The following SMKR1 variants were observed in gnomAD, a reference collection of about 807,000 sequenced individuals.
SMKR1 encodes small lysine rich protein 1.
SMKR1 carries 4 observed loss-of-function variants against 4.0 expected under a neutral mutation model. That is an observed-to-expected ratio of 1.00 (90% CI 0.49 to 2.30). The LOEUF is 2.30. Among genes scored for constraint, SMKR1 ranks in the 30% most tolerant of loss-of-function variants. SMKR1 has a pLI of 0.02. For synonymous variants in SMKR1, 38 were observed against 32.5 expected (o/e 1.17, Z -0.58); for missense variants, 56 against 81.8 (o/e 0.68, Z 1.22).
rs1474365792 is a variant in SMKR1, at chr7:129,502,679, T to C, written c.-146T>C. Reference sequence around the variant, plus strand: ...GCGTGGCGGGGAGGCGTAGTGAGGCTGGGCCCGTGGCGGTTCCCTGAGGAG... The same window carrying C: ...GCGTGGCGGGGAGGCGTAGTGAGGCCGGGCCCGTGGCGGTTCCCTGAGGAG... On this transcript the variant is annotated 5_prime_UTR_variant, in exon 1 of 2. Transcript: ENST00000462322. 2 of 1,259,976 alleles carry C rather than the reference T, an allele frequency of 1.6e-6. No individual in the cohort carries two copies. The highest frequency in any genetic ancestry group is 1.1e-6 in the Non-Finnish European group (1 of 911,228). The allele number at this position is 1,259,976 out of a possible 1,614,324, so 78.0% of individuals were successfully genotyped here.
intron 1 of SMKR1, among the ~76,000 whole-genome samples, chr7:129,508,275 A>G (rs1799490161): frequency 6.6e-6 from 1 of 152,006 alleles, no homozygotes; most frequent in African/African-American, 2.4e-5. Context: ...TGCTTCACCA[A>G]TACCTTTGTT....
At position 129,512,670 on chromosome 7, in the gene SMKR1, T is replaced by G. The variant is rs1799539507; in HGVS notation, c.*229T>G. On this transcript the variant is annotated 3_prime_UTR_variant, in exon 2 of 2. Transcript: ENST00000462322. ...TAGGAGCTATAGGATGGGAAAAGCC[T>G]GAGTAATTCCTACACAGTGTGCTGA... The G allele has an allele frequency of 2.1e-6, 1 of 476,374 alleles. No individual in the cohort carries two copies. The highest frequency in any genetic ancestry group is 3.5e-5 in the South Asian group (1 of 28,300). 29.5% of individuals were successfully genotyped at this position (476,374 alleles called of 1,614,324 possible).
chr7:129,504,975 C>T lies in SMKR1; in HGVS notation c.3+2148C>T, dbSNP rs535249329. Among the ~76,000 whole-genome samples the T allele has an allele frequency of 6.6e-5, 10 of 152,348 alleles. No homozygotes were observed. The South Asian group carries it at 2.1e-3, about 32-fold the overall frequency. ...GATCTCCTTTGCTCCCCATCTAATA[C>T]AGGGCCTGGGACACAGTAGATTTTT... is the stretch of plus-strand genomic sequence containing the variant. On this transcript the variant is annotated intron_variant, in intron 1 of 1. Coordinates refer to ENST00000462322, the MANE Select transcript of SMKR1 (RefSeq NM_001195243.2).
At chr7:129,504,507 A>G (rs1268683749) in intron 1 of SMKR1, among the ~76,000 whole-genome samples, 3 of 151,306 alleles carry the variant, frequency 2.0e-5, no homozygotes, top group Non-Finnish European at 4.4e-5. Context: ...TTATAATTCC[A>G]TGTGTTATAG....
In SMKR1 at chr7:129,512,633, A is replaced by G; in HGVS notation, c.*192A>G. 1.6e-6 allele frequency: 1 copy of G among 614,250 alleles called. No homozygotes were observed. Among genetic ancestry groups the G allele is most frequent in the South Asian group, 2.7e-5 (1 of 37,498 alleles). 38.0% of individuals were successfully genotyped at this position (614,250 alleles called of 1,614,324 possible). A position where few individuals can be genotyped will look rare whatever the true frequency, so the allele number is the denominator to read the frequency against. ...TCTGTTATGCCAGATATGGTTAGCC[A>G]CTTTGGTTTTTTAGGAGCTATAGGA... On this transcript the variant is annotated 3_prime_UTR_variant, in exon 2 of 2. Transcript: ENST00000462322.
At chr7:129,507,097 G>T (rs1799475243) in intron 1 of SMKR1, among the ~76,000 whole-genome samples, 1 of 151,328 alleles carries the variant, frequency 6.6e-6, no homozygotes, top group African/African-American at 2.4e-5. Context: ...CTCACTGCAA[G>T]CTCCGCCTCC....
chr7:129,503,967 G>A (rs987580650), intron 1 of SMKR1, among the ~76,000 whole-genome samples: 3 of 151,506 alleles, frequency 2.0e-5, no homozygotes, highest in Middle Eastern at 3.4e-3. Flanking sequence ...AGCTCGGACC[G>A]TAGGCAGGCA....
chr7:129,505,986 G>C (rs1206094313), intron 1 of SMKR1, among the ~76,000 whole-genome samples: 1 of 152,124 alleles, frequency 6.6e-6, no homozygotes, highest in Non-Finnish European at 1.5e-5. Flanking sequence ...TAAGTTGGGA[G>C]CTGCATGTTC....
chr7:129,503,569 G>C (rs565590894), intron 1 of SMKR1, among the ~76,000 whole-genome samples: 57 of 152,284 alleles, frequency 3.7e-4, no homozygotes, highest in African/African-American at 1.3e-3. Context: ...TCCCTGTCTT[G>C]ATCCGTTTTC....
chr7:129,508,328 T>A lies in SMKR1; in HGVS notation c.4-3919T>A, dbSNP rs1799490632. On this transcript the variant is annotated intron_variant, in intron 1 of 1. Coordinates refer to ENST00000462322, the MANE Select transcript of SMKR1 (RefSeq NM_001195243.2). Reference sequence around the variant, plus strand: ...ATGTGGATCTATTTCTGGACTCTATTCTGTCCCATTGTTCTAGTTGCCTAT... The same window carrying A: ...ATGTGGATCTATTTCTGGACTCTATACTGTCCCATTGTTCTAGTTGCCTAT... 4.6e-5 allele frequency among the ~76,000 whole-genome samples: 7 copies of A among 152,268 alleles called. No homozygotes were observed. The South Asian group carries it at 1.4e-3, about 31-fold the overall frequency.
At chr7:129,510,632 G>C (rs1285411975) in intron 1 of SMKR1, among the ~76,000 whole-genome samples, 3 of 152,168 alleles carry the variant, frequency 2.0e-5, no homozygotes, top group Admixed American at 6.5e-5. Context: ...GGCGGCTGAG[G>C]TGAGAGGATC....
chr7:129,503,961 C>T (rs1284724985), intron 1 of SMKR1, among the ~76,000 whole-genome samples: 7 of 151,322 alleles, frequency 4.6e-5, no homozygotes, highest in South Asian at 2.1e-4. Flanking sequence ...CCAAGTAGCT[C>T]GGACCGTAGG....
intron 1 of SMKR1, among the ~76,000 whole-genome samples, chr7:129,506,670 T>A (rs1197111647): frequency 6.8e-6 from 1 of 147,080 alleles, no homozygotes; most frequent in African/African-American, 2.5e-5. Context: ...TTTATATATA[T>A]GCAGTCATAC....
At position 129,502,856 on chromosome 7, in the gene SMKR1, G is replaced by A. The variant is rs1168660859; in HGVS notation, c.3+29G>A. 1.1e-5 allele frequency: 17 copies of A among 1,534,614 alleles called. 1 individual carries two copies. The highest frequency in any genetic ancestry group is 1.7e-4 in the Middle Eastern group (1 of 5,922). ...ATCCCCGTCTCCCTAAAGTACCCGG[G>A]GCCAGGGCGCGCGCCGTGGAGCCCC... On this transcript the variant is annotated intron_variant, in intron 1 of 1. Coordinates refer to ENST00000462322, the MANE Select transcript of SMKR1 (RefSeq NM_001195243.2).
rs149402643 is a variant in SMKR1 at position 129,503,237 on chromosome 7, G to T, written c.3+410G>T. Among the ~76,000 whole-genome samples, 23 of 151,864 alleles carry T rather than the reference G, an allele frequency of 1.5e-4. No individual in the cohort carries two copies. The East Asian group carries it at 2.1e-3, about 14-fold the overall frequency. On this transcript the variant is annotated intron_variant, in intron 1 of 1. Coordinates refer to ENST00000462322, the MANE Select transcript of SMKR1 (RefSeq NM_001195243.2). ...TCTGCAGACTCAGGAAGCAGAGAGT[G>T]AGCCTGGTACCACCACCTTGCTGTC...
intron 1 of SMKR1, among the ~76,000 whole-genome samples, chr7:129,503,122 C>T (rs1799428152): frequency 6.6e-6 from 1 of 151,844 alleles, no homozygotes; most frequent in South Asian, 2.1e-4. Flanking sequence ...TGGTGTGGCA[C>T]GTCAGGGCGC....
At chr7:129,504,039 G>A (rs1365510915) in intron 1 of SMKR1, among the ~76,000 whole-genome samples, 2 of 151,998 alleles carry the variant, frequency 1.3e-5, no homozygotes, top group African/African-American at 4.8e-5. Flanking sequence ...TGTTGCCCAG[G>A]CTGGTCTCAA....
intron 1 of SMKR1, among the ~76,000 whole-genome samples, chr7:129,503,127 G>A (rs1167044509): frequency 6.6e-6 from 1 of 151,770 alleles, no homozygotes; most frequent in Non-Finnish European, 1.5e-5. Flanking sequence ...TGGCACGTCA[G>A]GGCGCCAGGC....
intron 1 of SMKR1, among the ~76,000 whole-genome samples, chr7:129,506,130 A>G (rs1799462607): frequency 6.6e-6 from 1 of 152,206 alleles, no homozygotes; most frequent in South Asian, 2.1e-4. Context: ...ATGTATATAC[A>G]ATAAATTTTA....
Sources: gnomAD v4.1 joint callset for allele counts (sites outside exome capture counted in the v4.1 genomes callset) on GRCh38, gnomAD v4.1.1 for gene constraint, MANE v1.5 for transcripts, NCBI Gene and HGNC (gene_info 2026-07-23, HGNC 2026-07-21) for gene names.